The following FRMD3 variants were observed in gnomAD, a reference collection of about 807,000 sequenced individuals.
FRMD3 encodes FERM domain-containing protein 3.
A neutral mutation model predicts 70.2 loss-of-function variants in FRMD3; 33 were observed. The observed-to-expected ratio is 0.47, with a 90% CI of 0.36 to 0.63. FRMD3 has a LOEUF of 0.63. FRMD3 is among the 20% of genes least tolerant of loss of function. The probability of loss-of-function intolerance (pLI) is 0.00; values close to 1 mark genes in which losing one functional copy is unlikely to be tolerated. For synonymous variants in FRMD3, 279 were observed against 255.9 expected (o/e 1.09, Z -0.86); for missense variants, 632 against 711.4 (o/e 0.89, Z 1.27).
intron 2 of FRMD3, among the ~76,000 whole-genome samples, chr9:83,376,933 C>A (rs79297167): frequency 0.013 from 1,938 of 147,452 alleles, 33 homozygotes; most frequent in African/African-American, 0.046. Context: ...GGTGCCCAAC[C>A]GGCACCCGTT....
At chr9:83,308,320 A>G (rs772024869) in intron 10 of FRMD3, among the ~76,000 whole-genome samples, 3 of 152,138 alleles carry the variant, frequency 2.0e-5, no homozygotes, top group Non-Finnish European at 4.4e-5. Flanking sequence ...TCTCCTTTAC[A>G]TGCTGGACTT....
chr9:83,552,101 G>C, the FRMD3 span, among the ~76,000 whole-genome samples: 7 of 151,984 alleles, frequency 4.6e-5, no homozygotes, highest in Non-Finnish European at 1.0e-4. Flanking sequence ...TTTTGATTTT[G>C]GACATTTAGT....
At chr9:83,366,713 C>T (rs1413947350) in intron 3 of FRMD3, among the ~76,000 whole-genome samples, 1 of 152,232 alleles carries the variant, frequency 6.6e-6, no homozygotes. Flanking sequence ...CATTTCTGCA[C>T]ATCTGAGTCA....
At chr9:83,279,337 A>G (rs1414182520) in intron 13 of FRMD3, 1 of 152,246 alleles carries the variant, frequency 6.6e-6, no homozygotes, top group Non-Finnish European at 1.5e-5. Flanking sequence ...CAACTCACAA[A>G]AAGAAAGGAA....
At chr9:83,261,929 G>A (rs1405869452) in intron 13 of FRMD3, among the ~76,000 whole-genome samples, 1 of 152,152 alleles carries the variant, frequency 6.6e-6, no homozygotes, top group African/African-American at 2.4e-5. Flanking sequence ...AGCACATACT[G>A]CATGCAGATA....
At chr9:83,350,163 T>G (rs1199914815) in intron 3 of FRMD3, among the ~76,000 whole-genome samples, 1 of 152,062 alleles carries the variant, frequency 6.6e-6, no homozygotes, top group Non-Finnish European at 1.5e-5. Flanking sequence ...TTTTTTAGCC[T>G]GTGAGGTGGA....
At chr9:83,368,232 A>C (rs1345304490) in intron 3 of FRMD3, among the ~76,000 whole-genome samples, 1 of 152,232 alleles carries the variant, frequency 6.6e-6, no homozygotes, top group South Asian at 2.1e-4. Context: ...CATCCTGTCT[A>C]TGTTTGTGGT....
At chr9:83,312,366 C>A (rs953803052) in intron 7 of FRMD3, among the ~76,000 whole-genome samples, 1 of 152,176 alleles carries the variant, frequency 6.6e-6, no homozygotes, top group Admixed American at 6.5e-5. Flanking sequence ...AAGCCCTGAG[C>A]ATCTAATTTT....
At chr9:83,523,677 G>A (rs1427391597) in intron 1 of FRMD3, among the ~76,000 whole-genome samples, 2 of 152,180 alleles carry the variant, frequency 1.3e-5, no homozygotes, top group East Asian at 3.8e-4. Flanking sequence ...TGCTTTGTCT[G>A]TCTAACTTAC....
At chr9:83,381,070 C>T (rs1253474007) in intron 2 of FRMD3, among the ~76,000 whole-genome samples, 1 of 152,068 alleles carries the variant, frequency 6.6e-6, no homozygotes, top group Non-Finnish European at 1.5e-5. Context: ...AAAAAGAATG[C>T]CATCTGATGA....
intron 13 of FRMD3, among the ~76,000 whole-genome samples, chr9:83,260,778 T>C (rs771088808): frequency 3.3e-5 from 5 of 152,128 alleles, no homozygotes; most frequent in Non-Finnish European, 7.3e-5. Context: ...CTATTCACAA[T>C]AAGCAGCATG....
At position 83,247,864 on chromosome 9, in the gene FRMD3, A is replaced by G. The variant is rs1832184371; in HGVS notation, c.*54T>C. 3 of 1,576,906 alleles carry G rather than the reference A, an allele frequency of 1.9e-6. No homozygotes were observed. The African/African-American group carries it at 4.1e-5, about 21-fold the overall frequency. The stretch of plus-strand genomic sequence containing the variant: ...CCCTTCAGAACCAGGCATTTGCTGA[A>G]AAAAAGAAATCACTAGCATTGAATA... On this transcript the variant is annotated 3_prime_UTR_variant, in exon 14 of 14. Coordinates refer to ENST00000304195, the MANE Select transcript of FRMD3 (RefSeq NM_174938.6).
Position 83,246,392 on chromosome 9 carries a change from A to G in FRMD3, c.*1526T>C. On this transcript the variant is annotated 3_prime_UTR_variant, in exon 14 of 14. Transcript: ENST00000304195. Reference sequence around the variant, plus strand: ...ATGCTCTAGTACCTTCCTTGATACCATTAAATTGTTGGATTAAATCCTTTC... The same window carrying G: ...ATGCTCTAGTACCTTCCTTGATACCGTTAAATTGTTGGATTAAATCCTTTC... 1 of 984,738 alleles carries G rather than the reference A, an allele frequency of 1.0e-6. No individual in the cohort carries two copies. Among genetic ancestry groups the G allele is most frequent in the Non-Finnish European group, 1.2e-6 (1 of 829,488 alleles). 61.0% of individuals were successfully genotyped at this position (984,738 alleles called of 1,614,324 possible). A position where few individuals can be genotyped will look rare whatever the true frequency, so the allele number is the denominator to read the frequency against.
At chr9:83,411,500 C>A (rs560373638) in intron 1 of FRMD3, among the ~76,000 whole-genome samples, 1 of 152,300 alleles carries the variant, frequency 6.6e-6, no homozygotes, top group Non-Finnish European at 1.5e-5. Flanking sequence ...CTACCCATCC[C>A]TTGGGGGAAG....
chr9:83,564,365 C>A, the FRMD3 span, among the ~76,000 whole-genome samples: 8 of 152,272 alleles, frequency 5.3e-5, no homozygotes, highest in East Asian at 1.4e-3. Context: ...TTTTCTAAGT[C>A]CCTAATATAT....
chr9:83,291,451 C>T (rs1224451466), intron 12 of FRMD3, among the ~76,000 whole-genome samples: 1 of 152,136 alleles, frequency 6.6e-6, no homozygotes, highest in Admixed American at 6.5e-5. Context: ...TGTTTGCACA[C>T]CCTTCCTCAC....
the FRMD3 span, among the ~76,000 whole-genome samples, chr9:83,568,951 GATAGATACATACATAC>G: frequency 7.1e-4 from 81 of 114,528 alleles, no homozygotes; most frequent in African/African-American, 2.1e-3. Context: ...TAGATAGATA[GATAGATACATACATAC>G]ATACATACAT....
At chr9:83,496,759 G>A (rs1445402547) in intron 1 of FRMD3, among the ~76,000 whole-genome samples, 8 of 152,160 alleles carry the variant, frequency 5.3e-5, no homozygotes, top group Admixed American at 5.2e-4. Flanking sequence ...TTTCCCCAGG[G>A]TCTGTAGCAC....
At chr9:83,540,869 A>T (rs1256226686), upstream of FRMD3, among the ~76,000 whole-genome samples, 2 of 152,264 alleles carry the variant, frequency 1.3e-5, no homozygotes, top group Non-Finnish European at 2.9e-5. Context: ...TCACAATTTC[A>T]TCTACAAATC....
Sources: allele counts gnomAD v4.1 joint callset (sites outside exome capture counted in the v4.1 genomes callset), GRCh38; gene constraint gnomAD v4.1.1; transcripts MANE v1.5; gene names NCBI Gene and HGNC (gene_info 2026-07-23, HGNC 2026-07-21).